The following CDKAL1 variants were observed in gnomAD, a reference collection of about 807,000 sequenced individuals.
CDKAL1 encodes threonylcarbamoyladenosine tRNA methylthiotransferase.
Under a neutral mutation model 68.2 loss-of-function variants are expected in CDKAL1, and 32 were observed. The ratio of observed to expected loss-of-function variants is 0.47; its 90% CI spans 0.35 to 0.63. The LOEUF is 0.63. CDKAL1 is among the 30% of genes least tolerant of loss of function. The probability of loss-of-function intolerance (pLI) is 0.00; values close to 1 mark genes in which losing one functional copy is unlikely to be tolerated. For missense variants in CDKAL1, 606 were observed against 696.7 expected (o/e 0.87, Z 1.47); for synonymous variants, 234 against 244.3 (o/e 0.96, Z 0.39).
At chr6:20,853,059 A>G (rs1403407430) in intron 9 of CDKAL1, among the ~76,000 whole-genome samples, 4 of 152,204 alleles carry the variant, frequency 2.6e-5, no homozygotes, top group African/African-American at 7.2e-5. Context: ...AAATATGCAA[A>G]TAAATGGATA....
At chr6:20,547,428 A>G (rs976134874) in intron 3 of CDKAL1, among the ~76,000 whole-genome samples, 1 of 152,194 alleles carries the variant, frequency 6.6e-6, no homozygotes, top group Non-Finnish European at 1.5e-5. Context: ...CTGATTTTCA[A>G]ATACCTGTGG....
At chr6:21,004,790 A>C (rs1767633807) in intron 11 of CDKAL1, among the ~76,000 whole-genome samples, 1 of 151,890 alleles carries the variant, frequency 6.6e-6, no homozygotes. Flanking sequence ...CCGTATCTCT[A>C]CAAAAAAATA....
At position 21,230,910 on chromosome 6, in the gene CDKAL1, G is replaced by C; in HGVS notation, c.1611G>C (p.Gln537His). 6.2e-7 allele frequency: 1 copy of C among 1,614,068 alleles called. No homozygotes were observed. Among genetic ancestry groups the C allele is most frequent in the Non-Finnish European group, 8.5e-7 (1 of 1,179,952 alleles). The part of the protein sequence containing the change: ...SSGSHTSAAS[Q>H]CDSASSRMVL... Reference sequence around the variant, plus strand: ...GATCCCACACCTCTGCTGCATCTCAGTGTGACTCAGCGAGTTCCAGAATGG... The same window carrying C: ...GATCCCACACCTCTGCTGCATCTCACTGTGACTCAGCGAGTTCCAGAATGG... The change falls in exon 16 of 16, where the codon CAG (glutamine) becomes CAC (histidine). Residue 537 changes from glutamine (Q) to histidine (H), a missense_variant. By Grantham distance (24) the Gln-to-His change is conservative (BLOSUM62 0). Transcript: ENST00000274695.
At position 20,913,156 on chromosome 6, in the gene CDKAL1, CACAT is replaced by C. The variant is rs1434192935; in HGVS notation, c.743-42262_743-42259del. Among the ~76,000 whole-genome samples the C allele has an allele frequency of 6.6e-3, 921 of 140,420 alleles. 6 individuals are homozygous for C. The highest frequency in any genetic ancestry group is 0.022 in the African/African-American group (854 of 39,472). 92.1% of individuals were successfully genotyped at this position (140,420 alleles called of 152,430 possible). A position where few individuals can be genotyped will look rare whatever the true frequency, so the allele number is the denominator to read the frequency against. On this transcript the variant is annotated intron_variant, in intron 9 of 15. Coordinates refer to ENST00000274695, the MANE Select transcript of CDKAL1 (RefSeq NM_017774.3). ...ACACACACACACACACACACACACACACATTACCACAAATGTAGAAGCTTAAAAC... is the reference window on the plus strand; with the variant it reads ...ACACACACACACACACACACACACACTACCACAAATGTAGAAGCTTAAAAC...
chr6:20,661,644 A>C (rs1769290097), intron 5 of CDKAL1, among the ~76,000 whole-genome samples: 1 of 152,188 alleles, frequency 6.6e-6, no homozygotes, highest in Admixed American at 6.6e-5. Flanking sequence ...AAGATTAGTA[A>C]GTTAATTTGC....
chr6:20,938,085 T>G (rs1200961511), intron 9 of CDKAL1, among the ~76,000 whole-genome samples: 4 of 152,170 alleles, frequency 2.6e-5, no homozygotes, highest in Non-Finnish European at 5.9e-5. Flanking sequence ...CCTCCATTTA[T>G]TTTTTGAAAT....
Position 20,994,160 on chromosome 6 carries a change from T to C in CDKAL1, c.910-6067T>C, listed in dbSNP as rs975649564. Among the ~76,000 whole-genome samples the C allele has an allele frequency of 2.1e-4, 32 of 152,202 alleles. 1 individual carries two copies. Among genetic ancestry groups the C allele is most frequent in the Admixed American group, 1.9e-3 (29 of 15,282 alleles). On this transcript the variant is annotated intron_variant, in intron 10 of 15. Transcript: ENST00000274695. ...CTTGGTAAACCTGAGACCCTTCCCT[T>C]CACTTGTAAATTACTTTCATAAGAA... is the stretch of plus-strand genomic sequence containing the variant.
intron 5 of CDKAL1, chr6:20,723,735 G>C (rs1461462243): frequency 6.6e-6 from 1 of 152,258 alleles, no homozygotes; most frequent in African/African-American, 2.4e-5. Context: ...TCTGCCTCTT[G>C]CCCCTTTAGT....
At chr6:20,614,817 T>C (rs1028894132) in intron 4 of CDKAL1, among the ~76,000 whole-genome samples, 3 of 152,052 alleles carry the variant, frequency 2.0e-5, no homozygotes, top group African/African-American at 7.2e-5. Flanking sequence ...TTAGGGTACA[T>C]GTGCACATTG....
At chr6:21,086,378 T>C (rs1772692819) in intron 12 of CDKAL1, among the ~76,000 whole-genome samples, 1 of 152,188 alleles carries the variant, frequency 6.6e-6, no homozygotes, top group African/African-American at 2.4e-5. Context: ...TTTAAATCTA[T>C]AGGATTTTAG....
At chr6:20,981,615 G>A (rs910558865) in intron 10 of CDKAL1, among the ~76,000 whole-genome samples, 2 of 152,218 alleles carry the variant, frequency 1.3e-5, no homozygotes, top group Non-Finnish European at 2.9e-5. Flanking sequence ...GCCAAGACGG[G>A]TGGATCACGA....
At chr6:20,864,270 C>T in intron 9 of CDKAL1, among the ~76,000 whole-genome samples, 1 of 114,934 alleles carries the variant, frequency 8.7e-6, no homozygotes. Context: ...ATGCAACTGA[C>T]ATTTTGCATT....
At chr6:21,190,367 T>A (rs1232096151) in intron 13 of CDKAL1, among the ~76,000 whole-genome samples, 1 of 151,334 alleles carries the variant, frequency 6.6e-6, no homozygotes, top group Non-Finnish European at 1.5e-5. Flanking sequence ...GTGTGGGGTT[T>A]TTTTTGTTTT....
intron 12 of CDKAL1, among the ~76,000 whole-genome samples, chr6:21,067,628 A>C (rs1340494795): frequency 6.6e-6 from 1 of 152,164 alleles, no homozygotes; most frequent in African/African-American, 2.4e-5. Flanking sequence ...CAAAATCCCA[A>C]TATTAGTATT....
chr6:21,085,416 A>G (rs1772637680), intron 12 of CDKAL1, among the ~76,000 whole-genome samples: 1 of 152,218 alleles, frequency 6.6e-6, no homozygotes, highest in South Asian at 2.1e-4. Flanking sequence ...CATGTAATCC[A>G]GAAAGGAAGA....
chr6:20,599,689 G>T (rs1330849102), intron 4 of CDKAL1, among the ~76,000 whole-genome samples: 1 of 152,156 alleles, frequency 6.6e-6, no homozygotes, highest in African/African-American at 2.4e-5. Context: ...GGATAAGCCT[G>T]TGTTAGGTAT....
intron 9 of CDKAL1, among the ~76,000 whole-genome samples, chr6:20,899,820 G>A (rs1346549195): frequency 6.6e-6 from 1 of 152,130 alleles, no homozygotes; most frequent in Non-Finnish European, 1.5e-5. Flanking sequence ...TCCAACCTGG[G>A]CGACAGAGCG....
chr6:21,065,865 T>C (rs201022810), intron 12 of CDKAL1, among the ~76,000 whole-genome samples: 2 of 151,988 alleles, frequency 1.3e-5, no homozygotes, highest in East Asian at 1.9e-4. Flanking sequence ...TCTAGATTCA[T>C]TGGCTGAATA....
At chr6:20,537,307 A>G (rs1487944468) in intron 2 of CDKAL1, among the ~76,000 whole-genome samples, 5 of 152,112 alleles carry the variant, frequency 3.3e-5, no homozygotes, top group Non-Finnish European at 5.9e-5. Flanking sequence ...TGGAGATTTG[A>G]TATGATGAAA....
Sources: allele counts gnomAD v4.1 joint callset (sites outside exome capture counted in the v4.1 genomes callset), GRCh38; gene constraint gnomAD v4.1.1; transcripts MANE v1.5; gene names NCBI Gene and HGNC (gene_info 2026-07-23, HGNC 2026-07-21).